ALPL: variants seen among roughly 807,000 people sequenced by gnomAD.
The protein encoded by ALPL is alkaline phosphatase, tissue-nonspecific isozyme.
A neutral mutation model predicts 51.3 loss-of-function variants in ALPL; 42 were observed. The ratio of observed to expected loss-of-function variants is 0.82; its 90% CI spans 0.64 to 1.06. The LOEUF (loss-of-function observed/expected upper bound fraction) is 1.06. Among genes scored for constraint, ALPL ranks in the 50% least tolerant of loss-of-function variants. The pLI, the probability that ALPL is intolerant of heterozygous loss-of-function variation, is 0.00. For missense variants in ALPL, 589 were observed against 709.4 expected (o/e 0.83, Z 1.93); for synonymous variants, 279 against 296.4 (o/e 0.94, Z 0.60).
chr1:21,551,510 T>C (rs939943600), intron 1 of ALPL: 1 of 150,410 alleles, frequency 6.6e-6, no homozygotes, highest in Non-Finnish European at 1.5e-5. Context: ...TTTCTGATTT[T>C]AGGATTTGCT....
chr1:21,557,307 G>A lies in ALPL; in HGVS notation c.61+3165G>A, dbSNP rs1400227509. Among the ~76,000 whole-genome samples the A allele has an allele frequency of 1.3e-5, 2 of 152,210 alleles. 1 individual carries two copies. The highest frequency in any genetic ancestry group is 4.8e-5 in the African/African-American group (2 of 41,450). On this transcript the variant is annotated intron_variant, in intron 2 of 11. Transcript: ENST00000374840. ...TCACAGTGTCTGGCAAGGAGTGGAT[G>A]CTCAGTGAATGTTGGTCTCTTCTCT...
At chr1:21,549,423 C>T (rs885814) in intron 1 of ALPL, among the ~76,000 whole-genome samples, 43,312 of 151,960 alleles carry the variant, frequency 0.29, 6,730 homozygotes, top group South Asian at 0.43. Flanking sequence ...CTCCACCTCA[C>T]GCCTCAAAAG....
At chr1:21,563,982 A>C in intron 5 of ALPL, 59 bp from the exon 6 acceptor site, 2 of 1,598,294 alleles carry the variant, frequency 1.3e-6, no homozygotes, top group African/African-American at 2.7e-5. Context: ...GGGAGGGAGG[A>C]GGCCTCTGGG....
chr1:21,548,274 T>A (rs973106364), intron 1 of ALPL, among the ~76,000 whole-genome samples: 1 of 151,854 alleles, frequency 6.6e-6, no homozygotes, highest in Non-Finnish European at 1.5e-5. Flanking sequence ...GGGGGAGGGG[T>A]CCTAGGGGTG....
At chr1:21,546,396 A>G (rs979232994) in intron 1 of ALPL, among the ~76,000 whole-genome samples, 6 of 152,154 alleles carry the variant, frequency 3.9e-5, no homozygotes, top group Non-Finnish European at 8.8e-5. Context: ...AGGAAGTGTG[A>G]TCAGAAAAGG....
intron 1 of ALPL, among the ~76,000 whole-genome samples, chr1:21,539,656 CTTT>C (rs71016920): frequency 6.0e-5 from 8 of 133,644 alleles, no homozygotes; most frequent in Non-Finnish European, 9.6e-5. Flanking sequence ...TTTCTTTTTC[CTTT>C]TTTTTTTTTT....
intron 1 of ALPL, among the ~76,000 whole-genome samples, chr1:21,519,246 T>C (rs1305560274): frequency 1.3e-5 from 2 of 152,228 alleles, no homozygotes; most frequent in African/African-American, 2.4e-5. Context: ...CACAGCTCTG[T>C]GCCTCATAAA....
chr1:21,574,482 G>T (rs1644697747), intron 9 of ALPL: 1 of 154,820 alleles, frequency 6.5e-6, no homozygotes, highest in South Asian at 2.0e-4. Context: ...AGTGCTAACA[G>T]CCCTTGCCCA....
intron 10 of ALPL, 45 bp from the exon 11 acceptor site, chr1:21,576,477 T>C: frequency 1.2e-6 from 2 of 1,608,028 alleles, no homozygotes; most frequent in Non-Finnish European, 8.5e-7. Flanking sequence ...GGGACTGTAC[T>C]CCTGGGGCCC....
intron 4 of ALPL, among the ~76,000 whole-genome samples, chr1:21,561,620 G>A (rs560646007): frequency 6.7e-6 from 1 of 150,304 alleles, no homozygotes; most frequent in African/African-American, 2.4e-5. Context: ...TGGCCTCCCA[G>A]TCTTGGGATT....
In ALPL at chr1:21,576,463, G is replaced by A. The variant is rs534559758; in HGVS notation, c.1190-59G>A. Reference sequence around the variant, plus strand: ...AGCCACCAAGGAGCCTAATCTGGGGGCTGGGGACTGTACTCCTGGGGCCCC... The same window carrying A: ...AGCCACCAAGGAGCCTAATCTGGGGACTGGGGACTGTACTCCTGGGGCCCC... On this transcript the variant is annotated intron_variant, in intron 10 of 11. Coordinates refer to ENST00000374840, the MANE Select transcript of ALPL (RefSeq NM_000478.6). The A allele has an allele frequency of 3.7e-6, 6 of 1,600,190 alleles. No individual in the cohort carries two copies. The South Asian group carries it at 4.4e-5, about 12-fold the overall frequency.
chr1:21,518,101 C>T (rs565420176), intron 1 of ALPL, among the ~76,000 whole-genome samples: 6 of 152,022 alleles, frequency 3.9e-5, no homozygotes, highest in African/African-American at 1.2e-4. Context: ...GGGCCCACCC[C>T]AGGTGTGGGG....
At position 21,552,854 on chromosome 1, in the gene ALPL, A is replaced by G. The variant is rs58729311; in HGVS notation, c.-104-1124A>G. Among the ~76,000 whole-genome samples the G allele has an allele frequency of 8.6e-3, 1,312 of 152,326 alleles. 27 individuals carry two copies. Among genetic ancestry groups the G allele is most frequent in the African/African-American group, 0.03 (1,258 of 41,564 alleles). On this transcript the variant is annotated intron_variant, in intron 1 of 11. Transcript: ENST00000374840. Reference sequence around the variant, plus strand: ...GTATTACTGCTGTTTCCCACAACAAATGGTGTCATATCTTGGTTTTGGCTG... The same window carrying G: ...GTATTACTGCTGTTTCCCACAACAAGTGGTGTCATATCTTGGTTTTGGCTG...
chr1:21,576,342 A>C (rs1335240590), intron 10 of ALPL, among the ~76,000 whole-genome samples, 180 bp from the exon 11 acceptor site: 2 of 151,566 alleles, frequency 1.3e-5, no homozygotes, highest in Non-Finnish European at 2.9e-5. Flanking sequence ...GGGTACAATG[A>C]AAACTGGGGA....
intron 1 of ALPL, among the ~76,000 whole-genome samples, chr1:21,549,435 C>T (rs1644292429): frequency 6.6e-6 from 1 of 152,142 alleles, no homozygotes; most frequent in Non-Finnish European, 1.5e-5. Flanking sequence ...CCTCAAAAGA[C>T]CACCCCAAAC....
At position 21,576,574 on chromosome 1, in the gene ALPL, G is replaced by A. The variant is rs1380273800; in HGVS notation, c.1242G>A (p.Leu414=). ...DTDKKPFTAI[L]YGNGPGYKVV... ...ACAAGAAGCCCTTCACTGCCATCCT[G>A]TATGGCAATGGGCCTGGCTACAAGG... The change falls in exon 11 of 12, where the codon CTG becomes CTA. Residue 414 remains leucine, a synonymous_variant. Transcript: ENST00000374840. The A allele has an allele frequency of 6.2e-7, 1 of 1,613,900 alleles. No individual in the cohort carries two copies. The highest frequency in any genetic ancestry group is 8.5e-7 in the Non-Finnish European group (1 of 1,179,972).
intron 5 of ALPL, among the ~76,000 whole-genome samples, chr1:21,563,799 T>C (rs1326595041): frequency 6.6e-6 from 1 of 152,110 alleles, no homozygotes; most frequent in African/African-American, 2.4e-5. Context: ...CCAGCCCAGG[T>C]GCTCACATCT....
intron 1 of ALPL, among the ~76,000 whole-genome samples, chr1:21,537,868 G>A (rs1570218040): frequency 6.6e-6 from 1 of 152,178 alleles, no homozygotes; most frequent in Admixed American, 6.5e-5. Flanking sequence ...CGAAGACTGG[G>A]TGAAAAGCCC....
chr1:21,519,538 T>C (rs937303086), intron 1 of ALPL, among the ~76,000 whole-genome samples: 2 of 152,242 alleles, frequency 1.3e-5, no homozygotes, highest in Admixed American at 1.3e-4. Flanking sequence ...GGCTCACGCA[T>C]GTAATCCCAG....
Sources: gnomAD v4.1 joint callset for allele counts (sites outside exome capture counted in the v4.1 genomes callset) on GRCh38, gnomAD v4.1.1 for gene constraint, MANE v1.5 for transcripts, NCBI Gene and HGNC (gene_info 2026-07-23, HGNC 2026-07-21) for gene names.